The following EPHA1 variants were observed in gnomAD, a reference collection of about 807,000 sequenced individuals.
EPHA1 encodes ephrin type-A receptor 1.
In EPHA1, 92 loss-of-function variants were observed where a neutral mutation model predicts 110.1. The ratio of observed to expected loss-of-function variants is 0.84; its 90% CI spans 0.71 to 0.99. The LOEUF (loss-of-function observed/expected upper bound fraction) is 0.99. Ranked by LOEUF, EPHA1 falls within the 50% of genes least tolerant of loss-of-function variation. EPHA1 has a pLI of 0.00. For missense variants in EPHA1, 1,204 were observed against 1,285.4 expected, an observed-to-expected ratio of 0.94 and a Z score of 0.97; for synonymous variants, 500 against 516.1, an observed-to-expected ratio of 0.97 and a Z score of 0.42.
rs147095260 is a variant in EPHA1 at position 143,407,687 on chromosome 7, G to T, written c.83-9C>A. On this transcript the variant is annotated splice_polypyrimidine_tract_variant and intron_variant, in intron 1 of 17. Transcript: ENST00000275815. ...TGTGTCCATCAGAGTAACTGAAAGT[G>T]GGGAGAAAAGAAGTCTGTCACCTCT... 59 of 1,612,796 alleles carry T rather than the reference G, an allele frequency of 3.7e-5. No homozygotes were observed. In the African/African-American group the frequency reaches 7.7e-4, roughly 21 times the overall value.
chr7:143,397,893 G>A (rs1805303884), intron 8 of EPHA1, 27 bp downstream of exon 8: 1 of 1,612,376 alleles, frequency 6.2e-7, no homozygotes, highest in Non-Finnish European at 8.5e-7. Flanking sequence ...GTGTATGTGT[G>A]TTGGGGCAGA....
chr7:143,401,554 C>A lies in EPHA1; in HGVS notation c.202G>T (p.Asp68Tyr), dbSNP rs1346434969. ...LNGTPLYMYQ[D>Y]CPMQGRRDTD... The stretch of plus-strand genomic sequence containing the variant: ...TCTCTGCGTCCTTGCATTGGGCAGT[C>A]CTGGTACATGTACAGGGGTGTCCCA... Residue 68 changes from aspartate to tyrosine, a missense_variant, in exon 3 of 18, where the codon GAC (aspartate) becomes TAC (tyrosine). Transcript: ENST00000275815. This position sits in a 1 kb window ranked among gnomAD's most constrained non-coding sequence, Gnocchi z 4.1. The A allele has an allele frequency of 6.2e-7, 1 of 1,614,156 alleles. No homozygotes were observed. The highest frequency in any genetic ancestry group is 1.7e-5 in the Admixed American group (1 of 60,024).
At position 143,401,223 on chromosome 7, in the gene EPHA1, C is replaced by T. The variant is rs1481139201; in HGVS notation, c.432+101G>A. 4.1e-6 allele frequency: 6 copies of T among 1,453,670 alleles called. No homozygotes were observed. Among genetic ancestry groups the T allele is most frequent in the Admixed American group, 2.0e-5 (1 of 50,282 alleles). The allele number at this position is 1,453,670 out of a possible 1,614,324, so 90.0% of individuals were successfully genotyped here. On this transcript the variant is annotated intron_variant, in intron 3 of 17. Coordinates refer to ENST00000275815, the MANE Select transcript of EPHA1 (RefSeq NM_005232.5). The surrounding 1 kb of genome is among the most constrained non-coding windows in gnomAD (Gnocchi z 4.1). ...GCGCCAAATTCTTTTCAAGATTCTA[C>T]CTCTGCACCCTCTTCCTGTCTCTGC...
rs1805368109 is a variant in EPHA1, at chr7:143,399,787, G to A, written c.699C>T (p.Pro233=). The part of the protein sequence containing the change: ...GLVEVAGTCL[P]HARASPRPSG... ...AGGGCCTGGGGCTGGCCCGCGCGTGGGGCAAGCAGGTCCCCGCCACTTCCA... is the reference window on the plus strand; with the variant it reads ...AGGGCCTGGGGCTGGCCCGCGCGTGAGGCAAGCAGGTCCCCGCCACTTCCA... Residue 233 remains proline (P), a synonymous_variant, in exon 4 of 18, where the codon CCC becomes CCT. Coordinates refer to ENST00000275815, the MANE Select transcript of EPHA1 (RefSeq NM_005232.5). 6 of 1,600,600 alleles carry A rather than the reference G, an allele frequency of 3.7e-6. No homozygotes were observed. Among genetic ancestry groups the A allele is most frequent in the Non-Finnish European group, 5.1e-6 (6 of 1,173,642 alleles).
At chr7:143,398,152 AG>A (rs1805311497) in intron 7 of EPHA1, 82 bp from the exon 8 acceptor site, 2 of 1,588,782 alleles carry the variant, frequency 1.3e-6, no homozygotes, top group Non-Finnish European at 8.6e-7. Flanking sequence ...GCACATGGGG[AG>A]GGGCTGGAGA....
In EPHA1 at chr7:143,393,581, GC is replaced by G; in HGVS notation, c.2696+89del. 6.9e-7 allele frequency: 1 copy of G among 1,449,502 alleles called. No homozygotes were observed. Among genetic ancestry groups the G allele is most frequent in the South Asian group, 1.3e-5 (1 of 75,346 alleles). 89.8% of individuals were successfully genotyped at this position (1,449,502 alleles called of 1,614,324 possible). On this transcript the variant is annotated intron_variant, in intron 16 of 17. Coordinates refer to ENST00000275815, the MANE Select transcript of EPHA1 (RefSeq NM_005232.5). This position sits in a 1 kb window ranked among gnomAD's most constrained non-coding sequence, Gnocchi z 5.6. ...CTGGACTTGGTCCAGAGCTCCCCAG[GC>G]CCAGCGCTCAAAGAAGATTGGCTGA...
At chr7:143,392,268 T>C (rs1454031446) in intron 16 of EPHA1, among the ~76,000 whole-genome samples, 3 of 152,160 alleles carry the variant, frequency 2.0e-5, no homozygotes, top group East Asian at 1.9e-4. Context: ...CACAATACAA[T>C]GAGTGTTCCT....
Position 143,396,533 on chromosome 7 carries a change from G to A in EPHA1, c.1772-23C>T. 1.9e-6 allele frequency: 3 copies of A among 1,612,316 alleles called. No individual in the cohort carries two copies. In the South Asian group the frequency reaches 3.3e-5, roughly 18 times the overall value. ...CCTCTATGGGCAGAACATGAGGTTG[G>A]GGAGTACCAACATCAGGGCTCAGGA... On this transcript the variant is annotated intron_variant, in intron 10 of 17. Transcript: ENST00000275815.
chr7:143,396,961 A>G (rs1164979817), intron 10 of EPHA1, among the ~76,000 whole-genome samples: 2 of 152,124 alleles, frequency 1.3e-5, no homozygotes, highest in African/African-American at 4.8e-5. Context: ...GAGGACGTCA[A>G]TCCTCCTCCC....
In EPHA1 at chr7:143,401,411, A is replaced by C. The variant is rs753720702; in HGVS notation, c.345T>G (p.Pro115=). Residue 115 remains proline, a synonymous_variant, in exon 3 of 18, where the codon CCT becomes CCG. Transcript: ENST00000275815. The surrounding 1 kb of genome is among the most constrained non-coding windows in gnomAD (Gnocchi z 4.1). ...DCKSFPGGAG[P]LGCKETFNLL... is the part of the protein sequence containing the mutation. ...GGTTGAAGGTCTCCTTGCAGCCCAG[A>C]GGCCCGGCTCCCCCAGGGAAACTCT... is the stretch of plus-strand genomic sequence containing the variant. 4 of 1,614,136 alleles carry C rather than the reference A, an allele frequency of 2.5e-6. No individual in the cohort carries two copies. Among genetic ancestry groups the C allele is most frequent in the Non-Finnish European group, 2.5e-6 (3 of 1,180,036 alleles).
At position 143,408,768 on chromosome 7, in the gene EPHA1, A is replaced by T; in HGVS notation, c.38T>A (p.Leu13Gln). The T allele has an allele frequency of 8.5e-7, 1 of 1,173,192 alleles. No individual in the cohort carries two copies. The allele number at this position is 1,173,192 out of a possible 1,614,324, so 72.7% of individuals were successfully genotyped here. Residue 13 changes from leucine (L) to glutamine (Q), a missense_variant, in exon 1 of 18, where the codon CTG becomes CAG. Transcript: ENST00000275815. ...CGGGGGCAGCGGGGCGCAGAGCAGC[A>T]GCACCAGCCCTAGCCCCAGGGGCCA... ...RRWPLGLGLV[L>Q]LLCAPLPPGA...
chr7:143,401,504 A>C lies in EPHA1; in HGVS notation c.252T>G (p.Asn84Lys), dbSNP rs961514735. The C allele has an allele frequency of 6.2e-7, 1 of 1,614,086 alleles. No individual in the cohort carries two copies. The highest frequency in any genetic ancestry group is 8.5e-7 in the Non-Finnish European group (1 of 1,180,028). Residue 84 changes from asparagine to lysine, a missense_variant, in exon 3 of 18, where the codon AAT becomes AAG. Asn to Lys is a moderately conservative substitution (Grantham distance 94, BLOSUM62 0). Transcript: ENST00000275815. This position sits in a 1 kb window ranked among gnomAD's most constrained non-coding sequence, Gnocchi z 4.1. ...RRDTDHWLRS[N>K]WIYRGEEASR... ...AAGCCTCCTCCCCGCGGTAGATCCA[A>C]TTGGAGCGAAGCCAGTGGTCAGTGT...
Position 143,401,935 on chromosome 7 carries a change from G to C in EPHA1, c.151-330C>G, listed in dbSNP as rs1274444242. ...ACAAAACCCTTCTGTTTCTTCAAGA[G>C]GATATTGGTGAATTTTTTGTTTTTC... is the stretch of plus-strand genomic sequence containing the variant. On this transcript the variant is annotated intron_variant, in intron 2 of 17. Coordinates refer to ENST00000275815, the MANE Select transcript of EPHA1 (RefSeq NM_005232.5). The surrounding 1 kb of genome is among the most constrained non-coding windows in gnomAD (Gnocchi z 4.1). Among the ~76,000 whole-genome samples the C allele has an allele frequency of 2.0e-5, 3 of 152,166 alleles. No individual in the cohort carries two copies. Among genetic ancestry groups the C allele is most frequent in the Non-Finnish European group, 4.4e-5 (3 of 68,040 alleles).
Position 143,407,694 on chromosome 7 carries a change from AAAG to A in EPHA1, c.83-19_83-17del, listed in dbSNP as rs765886785. The A allele has an allele frequency of 1.6e-5, 25 of 1,612,560 alleles. No homozygotes were observed. The African/African-American group carries it at 3.2e-4, about 21-fold the overall frequency. The stretch of plus-strand genomic sequence containing the variant: ...ATCAGAGTAACTGAAAGTGGGGAGA[AAAG>A]AAGTCTGTCACCTCTGGGGGAGGAG... On this transcript the variant is annotated splice_polypyrimidine_tract_variant and intron_variant, in intron 1 of 17. Coordinates refer to ENST00000275815, the MANE Select transcript of EPHA1 (RefSeq NM_005232.5).
rs1213712645 is a variant in EPHA1, at chr7:143,395,349, T to C, written c.2053A>G (p.Ile685Val). Reference protein sequence around the residue: ...TIMGQFSHPHILHLEGVVTKR... With the variant: ...TIMGQFSHPHVLHLEGVVTKR... ...GTGACGACGCCTTCCAGATGCAGAA[T>C]ATGCGGGTGGCTAAACTGGCCCATG... The change falls in exon 12 of 18, where the codon ATT becomes GTT. Residue 685 changes from isoleucine to valine, a missense_variant. By Grantham distance (29) the Ile-to-Val change is conservative. Coordinates refer to ENST00000275815, the MANE Select transcript of EPHA1 (RefSeq NM_005232.5). The surrounding 1 kb of genome is among the most constrained non-coding windows in gnomAD (Gnocchi z 4.7). 2 of 1,614,214 alleles carry C rather than the reference T, an allele frequency of 1.2e-6. No individual in the cohort carries two copies. Among genetic ancestry groups the C allele is most frequent in the East Asian group, 2.2e-5 (1 of 44,884 alleles).
chr7:143,408,729 T>C lies in EPHA1; in HGVS notation c.77A>G (p.Lys26Arg). 5 of 901,134 alleles carry C rather than the reference T, an allele frequency of 5.5e-6. No individual in the cohort carries two copies. Among genetic ancestry groups the C allele is most frequent in the Non-Finnish European group, 7.3e-6 (5 of 689,406 alleles). The allele number at this position is 901,134 out of a possible 1,614,324, so 55.8% of individuals were successfully genotyped here. A position where few individuals can be genotyped will look rare whatever the true frequency, so the allele number is the denominator to read the frequency against. ...CAPLPPGARA[K>R]EVTLMDTSKA... The stretch of plus-strand genomic sequence containing the variant: ...GCGGGGGCGGGGGTCGGTACCTTCC[T>C]TGGCGCGCGCCCCCGGGGGCAGCGG... The change falls in exon 1 of 18, where the codon AAG (lysine) becomes AGG (arginine). Residue 26 changes from lysine to arginine, a missense_variant. Physicochemically the swap from Lys to Arg is conservative, Grantham distance 26. Transcript: ENST00000275815.
Position 143,395,645 on chromosome 7 carries a change from G to A in EPHA1, c.1898-141C>T. ...AGTGCCCTTCCTGGGACAGGGCGTG[G>A]GCTGTCCTTCCTGGGGAAGGTCAGA... On this transcript the variant is annotated intron_variant, in intron 11 of 17. Transcript: ENST00000275815. This position sits in a 1 kb window ranked among gnomAD's most constrained non-coding sequence, Gnocchi z 4.7. 1.2e-6 allele frequency: 1 copy of A among 861,518 alleles called. No homozygotes were observed. Among genetic ancestry groups the A allele is most frequent in the Non-Finnish European group, 1.7e-6 (1 of 572,668 alleles). 53.4% of individuals were successfully genotyped at this position (861,518 alleles called of 1,614,324 possible). A position where few individuals can be genotyped will look rare whatever the true frequency, so the allele number is the denominator to read the frequency against.
chr7:143,405,504 G>A (rs1047009964), intron 2 of EPHA1, among the ~76,000 whole-genome samples: 1 of 152,102 alleles, frequency 6.6e-6, no homozygotes. Context: ...GGTAGATAGT[G>A]GGAGTGTATG....
At chr7:143,400,100 T>A in intron 3 of EPHA1, 47 bp from the exon 4 acceptor site, 3 of 1,537,180 alleles carry the variant, frequency 2.0e-6, no homozygotes, top group Non-Finnish European at 2.6e-6. Flanking sequence ...AAAGTCCTGC[T>A]TCTTTCCCAC....
Sources: allele counts gnomAD v4.1 joint callset (sites outside exome capture counted in the v4.1 genomes callset), GRCh38; gene constraint gnomAD v4.1.1; non-coding constraint Gnocchi (gnomAD v3.1); transcripts MANE v1.5; gene names NCBI Gene and HGNC (gene_info 2026-07-23, HGNC 2026-07-21).